Variants in CMSS1 observed in about 807,000 individuals in gnomAD.
CMSS1 encodes protein CMSS1.
In CMSS1, 33 loss-of-function variants were observed where a neutral mutation model predicts 43.5. The observed-to-expected ratio is 0.76, with a 90% CI of 0.57 to 1.01. The LOEUF (loss-of-function observed/expected upper bound fraction) is 1.01, where lower values mean the gene tolerates loss of function less well. Among genes scored for constraint, CMSS1 ranks in the 50% least tolerant of loss-of-function variants. The pLI, the probability that CMSS1 is intolerant of heterozygous loss-of-function variation, is 0.00. For missense variants in CMSS1, 313 were observed against 326.4 expected, an observed-to-expected ratio of 0.96 and a Z score of 0.32; for synonymous variants, 115 against 117.2, an observed-to-expected ratio of 0.98 and a Z score of 0.12.
chr3:99,913,731 G>A lies in CMSS1; in HGVS notation c.64+95688G>A, dbSNP rs117859753. Among the ~76,000 whole-genome samples, 715 of 152,302 alleles carry A rather than the reference G, an allele frequency of 4.7e-3. 29 individuals carry two copies. In the East Asian group the frequency reaches 0.096, roughly 20 times the overall value. ...GAGTAGGAAGTGAGAGCAGGGCTAT[G>A]TGCGTGACCCTGAAGCATATATGCA... is the stretch of plus-strand genomic sequence containing the variant. On this transcript the variant is annotated intron_variant, in intron 1 of 9. Transcript: ENST00000421999.
chr3:99,858,220 C>T lies in CMSS1; in HGVS notation c.64+40177C>T, dbSNP rs1374821522. 3.9e-5 allele frequency among the ~76,000 whole-genome samples: 6 copies of T among 152,174 alleles called. No homozygotes were observed. In the East Asian group the frequency reaches 1.2e-3, roughly 29 times the overall value. On this transcript the variant is annotated intron_variant, in intron 1 of 9. Coordinates refer to ENST00000421999, the MANE Select transcript of CMSS1 (RefSeq NM_032359.4). The stretch of plus-strand genomic sequence containing the variant: ...GTGGCTCACACCTATAATCCCAGCA[C>T]TTTGGGAGGCTGAGGCAGGCGGATC...
At chr3:100,132,342 A>G (rs1477506384) in intron 1 of CMSS1, among the ~76,000 whole-genome samples, 3 of 152,156 alleles carry the variant, frequency 2.0e-5, no homozygotes, top group Admixed American at 2.0e-4. Context: ...GTTCAAGGCT[A>G]TAGTGAGCTA....
chr3:99,880,105 AGGACGAAGGCTGAAG>A (rs1705673311), intron 1 of CMSS1, among the ~76,000 whole-genome samples: 1 of 152,138 alleles, frequency 6.6e-6, no homozygotes, highest in South Asian at 2.1e-4. Context: ...TACACAACTT[AGGACGAAGGCTGAAG>A]GGACCTGTAG....
chr3:99,837,869 T>C (rs2107498702), intron 1 of CMSS1, among the ~76,000 whole-genome samples: 1 of 152,340 alleles, frequency 6.6e-6, no homozygotes, highest in African/African-American at 2.4e-5. Flanking sequence ...CTTGTCTTTA[T>C]AGTGGCTGGA....
chr3:99,903,760 G>A (rs143477058), intron 1 of CMSS1, among the ~76,000 whole-genome samples: 1,694 of 152,152 alleles, frequency 0.011, 17 homozygotes, highest in African/African-American at 0.024. Flanking sequence ...GATCAGTGAC[G>A]TGGCCCCCAA....
chr3:100,173,709 A>G (rs1213629035), intron 8 of CMSS1, among the ~76,000 whole-genome samples: 1 of 152,174 alleles, frequency 6.6e-6, no homozygotes, highest in East Asian at 1.9e-4. Flanking sequence ...GCATTCATGA[A>G]TGGGAGAACA....
At chr3:99,980,826 A>C (rs1709099986) in intron 1 of CMSS1, among the ~76,000 whole-genome samples, 2 of 152,266 alleles carry the variant, frequency 1.3e-5, no homozygotes, top group South Asian at 4.1e-4. Context: ...TGTTCTAGCT[A>C]TTCAGAGGCA....
chr3:100,175,206 G>C (rs2067139792), intron 8 of CMSS1, among the ~76,000 whole-genome samples: 1 of 152,128 alleles, frequency 6.6e-6, no homozygotes, highest in South Asian at 2.1e-4. Flanking sequence ...ATTTTTGCAA[G>C]TAGCTATGTT....
intron 1 of CMSS1, among the ~76,000 whole-genome samples, chr3:99,959,545 A>C (rs867658844): frequency 6.6e-6 from 1 of 152,232 alleles, no homozygotes; most frequent in African/African-American, 2.4e-5. Flanking sequence ...AATTCATTAC[A>C]TGGGTTGTAT....
intron 1 of CMSS1, among the ~76,000 whole-genome samples, chr3:100,021,958 TGTGAGA>T (rs780021156): frequency 2.7e-3 from 258 of 94,856 alleles, no homozygotes; most frequent in Middle Eastern, 0.01. Context: ...TGTGTGTGTG[TGTGAGA>T]GAGAGAGAGA....
intron 1 of CMSS1, among the ~76,000 whole-genome samples, chr3:100,033,349 G>A (rs1444231658): frequency 1.3e-5 from 2 of 152,144 alleles, no homozygotes; most frequent in East Asian, 3.8e-4. Flanking sequence ...GGCAGCCAAT[G>A]GAAAACCCAC....
intron 1 of CMSS1, among the ~76,000 whole-genome samples, chr3:99,837,071 A>G (rs1414873028): frequency 1.3e-5 from 2 of 152,240 alleles, no homozygotes; most frequent in Non-Finnish European, 2.9e-5. Flanking sequence ...CTTAGAAGCT[A>G]TAATCAGCAG....
At chr3:100,019,315 A>G (rs1167281681) in intron 1 of CMSS1, among the ~76,000 whole-genome samples, 1 of 152,140 alleles carries the variant, frequency 6.6e-6, no homozygotes, top group Non-Finnish European at 1.5e-5. Flanking sequence ...AGCTATGATC[A>G]TGCCACTGCA....
chr3:100,142,737 G>T (rs1180514027), intron 1 of CMSS1, among the ~76,000 whole-genome samples: 1 of 152,088 alleles, frequency 6.6e-6, no homozygotes, highest in Non-Finnish European at 1.5e-5. Flanking sequence ...TTACCTCAAA[G>T]GATTTTTATG....
At chr3:100,127,281 T>A (rs1441897653) in intron 1 of CMSS1, among the ~76,000 whole-genome samples, 1 of 152,202 alleles carries the variant, frequency 6.6e-6, no homozygotes, top group East Asian at 1.9e-4. Flanking sequence ...CTTGGCCTAA[T>A]CCTCATTCAT....
rs560044343 is a variant in CMSS1 at position 99,941,599 on chromosome 3, G to A, written c.64+123556G>A. Among the ~76,000 whole-genome samples the A allele has an allele frequency of 5.3e-5, 8 of 152,286 alleles. No individual in the cohort carries two copies. The South Asian group carries it at 1.7e-3, about 32-fold the overall frequency. ...AACTGTGGGTATGCATCACAGGGCTGTTTATAATAAGGGAGATGAAACAAC... is the reference window on the plus strand; with the variant it reads ...AACTGTGGGTATGCATCACAGGGCTATTTATAATAAGGGAGATGAAACAAC... On this transcript the variant is annotated intron_variant, in intron 1 of 9. Transcript: ENST00000421999.
At chr3:99,957,054 G>A (rs1313208484) in intron 1 of CMSS1, among the ~76,000 whole-genome samples, 1 of 152,060 alleles carries the variant, frequency 6.6e-6, no homozygotes, top group African/African-American at 2.4e-5. Flanking sequence ...ATGCTATTTT[G>A]TACCTCCTCT....
At position 99,850,997 on chromosome 3, in the gene CMSS1, T is replaced by C. The variant is rs1235137229; in HGVS notation, c.64+32954T>C. ...AGCTTGGTCAGCTCCTCTTTCAGGG[T>C]GGTGACCCTTTTCTCCTTTTCTTGC... On this transcript the variant is annotated intron_variant, in intron 1 of 9. Transcript: ENST00000421999. 1 of 1,613,656 alleles carries C rather than the reference T, an allele frequency of 6.2e-7. No individual in the cohort carries two copies.
chr3:100,102,006 A>C (rs1186876312), intron 1 of CMSS1, among the ~76,000 whole-genome samples: 4 of 152,248 alleles, frequency 2.6e-5, no homozygotes, highest in African/African-American at 9.6e-5. Flanking sequence ...ACATTTTCTT[A>C]ATCCAGTCGA....
Sources: allele counts gnomAD v4.1 joint callset (sites outside exome capture counted in the v4.1 genomes callset), GRCh38; gene constraint gnomAD v4.1.1; transcripts MANE v1.5; gene names NCBI Gene and HGNC (gene_info 2026-07-23, HGNC 2026-07-21).